NDUFS4: variants seen among roughly 807,000 people sequenced by gnomAD.
The protein encoded by NDUFS4 is NADH dehydrogenase [ubiquinone] iron-sulfur protein 4, mitochondrial.
A neutral mutation model predicts 24.3 loss-of-function variants in NDUFS4; 28 were observed. The ratio of observed to expected loss-of-function variants is 1.15; its 90% CI spans 0.85 to 1.58. NDUFS4 has a LOEUF of 1.58. Ranked by LOEUF, NDUFS4 falls within the 40% of genes most tolerant of loss-of-function variation. The pLI is 0.00. For synonymous variants in NDUFS4, 93 were observed against 69.7 expected (o/e 1.34, Z -1.67); for missense variants, 223 against 207.9 (o/e 1.07, Z -0.45).
chr5:53,677,238 GAT>G (rs1740504476), intron 4 of NDUFS4, among the ~76,000 whole-genome samples: 1 of 152,140 alleles, frequency 6.6e-6, no homozygotes, highest in African/African-American at 2.4e-5. Context: ...TATTTGAAAA[GAT>G]AAAATTTCAA....
intron 1 of NDUFS4, among the ~76,000 whole-genome samples, chr5:53,593,597 G>GC (rs1216049437): frequency 1.4e-5 from 2 of 138,704 alleles, no homozygotes; most frequent in Middle Eastern, 3.9e-3. Context: ...GGTTTATGTT[G>GC]CCCTTTTTTT....
At chr5:53,660,839 A>G (rs1752319788) in intron 4 of NDUFS4, among the ~76,000 whole-genome samples, 1 of 152,004 alleles carries the variant, frequency 6.6e-6, no homozygotes, top group South Asian at 2.1e-4. Context: ...CCACTTGTTG[A>G]TGAGGTTCTT....
chr5:53,597,413 A>G (rs558601923), intron 1 of NDUFS4, among the ~76,000 whole-genome samples: 1 of 152,278 alleles, frequency 6.6e-6, no homozygotes, highest in South Asian at 2.1e-4. Flanking sequence ...AATGGGAGGG[A>G]GGAGCGTCAA....
At chr5:53,626,401 T>C (rs1049146216) in intron 2 of NDUFS4, among the ~76,000 whole-genome samples, 2 of 152,170 alleles carry the variant, frequency 1.3e-5, no homozygotes, top group Admixed American at 1.3e-4. Context: ...TACCCAGTAA[T>C]GGGATTGCTG....
At chr5:53,676,391 G>A (rs256097) in intron 4 of NDUFS4, among the ~76,000 whole-genome samples, 104,958 of 152,108 alleles carry the variant, frequency 0.69, 36,723 homozygotes, top group African/African-American at 0.79. Flanking sequence ...ATAGTTTGTC[G>A]TCTGACCAGT....
intron 1 of NDUFS4, among the ~76,000 whole-genome samples, chr5:53,580,661 C>A (rs891982923): frequency 6.8e-6 from 1 of 146,734 alleles, no homozygotes; most frequent in African/African-American, 2.5e-5. Flanking sequence ...TTCTTTCTTT[C>A]TCTCTCTTTC....
rs1441552533 is a variant in NDUFS4, at chr5:53,614,140, A to AT, written c.177+10610_177+10611insT. Among the ~76,000 whole-genome samples, 8 of 151,930 alleles carry AT rather than the reference A, an allele frequency of 5.3e-5. No homozygotes were observed. In the East Asian group the frequency reaches 1.5e-3, roughly 29 times the overall value. On this transcript the variant is annotated intron_variant, in intron 2 of 4. Transcript: ENST00000296684. ...GAATTTTTTCTACTCTCCTTGATGTAATTTTAAAACCTGTTATATTTAACT... is the reference window on the plus strand; with the variant it reads ...GAATTTTTTCTACTCTCCTTGATGTATATTTTAAAACCTGTTATATTTAACT...
chr5:53,610,694 G>T (rs992852137), intron 2 of NDUFS4, among the ~76,000 whole-genome samples: 1 of 152,092 alleles, frequency 6.6e-6, no homozygotes, highest in Admixed American at 6.6e-5. Context: ...AAAAGCTTGC[G>T]AATCATTCTC....
intron 1 of NDUFS4, among the ~76,000 whole-genome samples, chr5:53,564,750 G>A (rs1015133297): frequency 1.3e-5 from 2 of 152,066 alleles, no homozygotes; most frequent in Non-Finnish European, 2.9e-5. Context: ...CACTGGTCTT[G>A]AACACCTGAC....
intron 4 of NDUFS4, among the ~76,000 whole-genome samples, chr5:53,671,944 G>A (rs1740261432): frequency 6.6e-6 from 1 of 152,072 alleles, no homozygotes; most frequent in Non-Finnish European, 1.5e-5. Context: ...AATAAAGGAA[G>A]GTTTCTTTCA....
At chr5:53,584,403 T>A (rs1749673763) in intron 1 of NDUFS4, among the ~76,000 whole-genome samples, 1 of 152,164 alleles carries the variant, frequency 6.6e-6, no homozygotes. Context: ...TCACCCAGGC[T>A]GGAGTGCAAT....
intron 2 of NDUFS4, among the ~76,000 whole-genome samples, chr5:53,634,984 G>A (rs1027037852): frequency 3.9e-5 from 6 of 152,048 alleles, no homozygotes; most frequent in African/African-American, 1.2e-4. Context: ...GAGGTCAAGC[G>A]TTCGAGACCA....
At chr5:53,648,749 C>T (rs1159907138) in intron 3 of NDUFS4, among the ~76,000 whole-genome samples, 1 of 152,128 alleles carries the variant, frequency 6.6e-6, no homozygotes, top group East Asian at 1.9e-4. Flanking sequence ...GACTGCCCTC[C>T]TTTGCAACCA....
chr5:53,565,228 A>T (rs1212892523), intron 1 of NDUFS4, among the ~76,000 whole-genome samples: 2 of 152,190 alleles, frequency 1.3e-5, no homozygotes, highest in Admixed American at 1.3e-4. Flanking sequence ...ACTGATTCTT[A>T]TTGCAAGATT....
chr5:53,621,582 A>C (rs1198926036), intron 2 of NDUFS4, among the ~76,000 whole-genome samples: 1 of 151,696 alleles, frequency 6.6e-6, no homozygotes, highest in African/African-American at 2.4e-5. Flanking sequence ...GTATTACTTC[A>C]TATGTAACAT....
chr5:53,646,281 A>C lies in NDUFS4; in HGVS notation c.226A>C (p.Lys76Gln). 6.2e-7 allele frequency: 1 copy of C among 1,613,482 alleles called. No individual in the cohort carries two copies. The highest frequency in any genetic ancestry group is 8.5e-7 in the Non-Finnish European group (1 of 1,179,518). Reference protein sequence around the residue: ...GVPEEHIKTRKVRIFVPARNN... With the variant: ...GVPEEHIKTRQVRIFVPARNN... Reference sequence around the variant, plus strand: ...TCCAGAAGAGCATATAAAAACTAGAAAAGTCAGGATCTTTGTTCCTGCTCG... The same window carrying C: ...TCCAGAAGAGCATATAAAAACTAGACAAGTCAGGATCTTTGTTCCTGCTCG... The change falls in exon 3 of 5, where the codon AAA becomes CAA. Residue 76 changes from lysine (K) to glutamine (Q), a missense_variant. Lys to Gln is a moderately conservative substitution (Grantham distance 53). Transcript: ENST00000296684.
chr5:53,638,404 C>G (rs1188242786), intron 2 of NDUFS4, among the ~76,000 whole-genome samples: 2 of 151,692 alleles, frequency 1.3e-5, no homozygotes, highest in Non-Finnish European at 1.5e-5. Context: ...TTAAATAGGC[C>G]CATAGGGCAC....
Position 53,628,154 on chromosome 5 carries a change from A to T in NDUFS4, c.178-18079A>T, listed in dbSNP as rs1157227689. 5.9e-5 allele frequency among the ~76,000 whole-genome samples: 9 copies of T among 152,220 alleles called. No individual in the cohort carries two copies. In the East Asian group the frequency reaches 1.7e-3, roughly 29 times the overall value. On this transcript the variant is annotated intron_variant, in intron 2 of 4. Transcript: ENST00000296684. ...TTGAGATAATCATGTGGTTTTTGTC[A>T]TTGGTTCTGTTTATGTGATGGATTA... is the stretch of plus-strand genomic sequence containing the variant.
intron 3 of NDUFS4, among the ~76,000 whole-genome samples, chr5:53,657,527 T>G (rs1752199552): frequency 6.6e-6 from 1 of 152,170 alleles, no homozygotes. Flanking sequence ...CCTTTCTATA[T>G]TTTTTACTTC....
Sources: allele counts gnomAD v4.1 joint callset (sites outside exome capture counted in the v4.1 genomes callset), GRCh38; gene constraint gnomAD v4.1.1; transcripts MANE v1.5; gene names NCBI Gene and HGNC (gene_info 2026-07-23, HGNC 2026-07-21).